PROSER2: variants seen among roughly 807,000 people sequenced by gnomAD.
PROSER2 encodes proline and serine rich 2.
In PROSER2, 18 loss-of-function variants were observed where a neutral mutation model predicts 14.6. The ratio of observed to expected loss-of-function variants is 1.23; its 90% CI spans 0.85 to 1.83. The LOEUF is 1.83. Ranked by LOEUF, PROSER2 falls within the 40% of genes most tolerant of loss-of-function variation. PROSER2 has a pLI of 0.00. For synonymous variants in PROSER2, 367 were observed against 286.4 expected (o/e 1.28, Z -2.84); for missense variants, 823 against 629.8 (o/e 1.31, Z -3.28).
At chr10:11,841,456 G>C (rs967688731) in intron 1 of PROSER2, among the ~76,000 whole-genome samples, 1 of 151,586 alleles carries the variant, frequency 6.6e-6, no homozygotes, top group Non-Finnish European at 1.5e-5. Context: ...TGTTGATTTT[G>C]TATTTATTCT....
rs530328631 is a variant in PROSER2, at chr10:11,869,225, A to T, written c.392-265A>T. 1 of 542,810 alleles carries T rather than the reference A, an allele frequency of 1.8e-6. No individual in the cohort carries two copies. Among genetic ancestry groups the T allele is most frequent in the East Asian group, 3.3e-5 (1 of 30,568 alleles). 33.6% of individuals were successfully genotyped at this position (542,810 alleles called of 1,614,324 possible). ...AGGGGCTGGAGCCTCAGCAGCCCAC[A>T]TGGACGGAATGTCTCCTAGGTGTGG... On this transcript the variant is annotated intron_variant, in intron 3 of 3. Coordinates refer to ENST00000277570, the MANE Select transcript of PROSER2 (RefSeq NM_153256.4). This position sits in a 1 kb window ranked among gnomAD's most constrained non-coding sequence, Gnocchi z 4.4.
intron 1 of PROSER2, among the ~76,000 whole-genome samples, chr10:11,829,132 C>T (rs923480759): frequency 6.6e-6 from 1 of 151,540 alleles, no homozygotes; most frequent in Non-Finnish European, 1.5e-5. Context: ...GTGGAGTAGA[C>T]GTTTACATAT....
Position 11,870,157 on chromosome 10 carries a change from G to T in PROSER2, c.1059G>T (p.Lys353Asn). ...TCCCAAGTGCGCACGAGGCCCTGAA[G>T]AGCGCACCCAGCTCCTTCGCGCCCG... ...NGFPSAHEAL[K>N]SAPSSFAPAG... Residue 353 changes from lysine to asparagine, a missense_variant, in exon 4 of 4, where the codon AAG becomes AAT. By Grantham distance (94) the Lys-to-Asn change is moderately conservative. Coordinates refer to ENST00000277570, the MANE Select transcript of PROSER2 (RefSeq NM_153256.4). The T allele has an allele frequency of 1.4e-6, 2 of 1,464,312 alleles. No homozygotes were observed. The highest frequency in any genetic ancestry group is 4.9e-5 in the Admixed American group (2 of 40,920). 90.7% of individuals were successfully genotyped at this position (1,464,312 alleles called of 1,614,324 possible).
At chr10:11,833,037 T>C (rs1220094969) in intron 1 of PROSER2, among the ~76,000 whole-genome samples, 3 of 151,742 alleles carry the variant, frequency 2.0e-5, no homozygotes, top group Non-Finnish European at 4.4e-5. Context: ...AGAGACAGCA[T>C]TTCACCTTGT....
chr10:11,836,227 C>CA lies in PROSER2; in HGVS notation c.-82+12758dup, dbSNP rs1444559097. On this transcript the variant is annotated intron_variant, in intron 1 of 3. Coordinates refer to ENST00000277570, the MANE Select transcript of PROSER2 (RefSeq NM_153256.4). This position sits in a 1 kb window ranked among gnomAD's most constrained non-coding sequence, Gnocchi z 4.6. ...TTTTTATTTTTTTGAGACAGAGTCTCACTCTGTTGGCCAGGCTGGTGTGCA... is the reference window on the plus strand; with the variant it reads ...TTTTTATTTTTTTGAGACAGAGTCTCAACTCTGTTGGCCAGGCTGGTGTGCA... 6.6e-6 allele frequency among the ~76,000 whole-genome samples: 1 copy of CA among 151,960 alleles called. No homozygotes were observed. Among genetic ancestry groups the CA allele is most frequent in the Non-Finnish European group, 1.5e-5 (1 of 67,982 alleles).
chr10:11,867,839 G>GT (rs1473184920), intron 3 of PROSER2, among the ~76,000 whole-genome samples: 1 of 152,150 alleles, frequency 6.6e-6, no homozygotes, highest in Non-Finnish European at 1.5e-5. Flanking sequence ...ATATCTTCCA[G>GT]TTTTTTTCCC....
chr10:11,864,657 TG>T (rs1834309946), intron 2 of PROSER2, among the ~76,000 whole-genome samples: 2 of 151,778 alleles, frequency 1.3e-5, no homozygotes, highest in South Asian at 4.2e-4. Flanking sequence ...GGTGCAGTCT[TG>T]GCTCACTGCA....
intron 2 of PROSER2, among the ~76,000 whole-genome samples, chr10:11,864,489 C>T (rs1416644577): frequency 6.6e-6 from 1 of 152,074 alleles, no homozygotes; most frequent in Non-Finnish European, 1.5e-5. Context: ...GTAGTTGCTA[C>T]ATAATGCTCC....
intron 3 of PROSER2, among the ~76,000 whole-genome samples, chr10:11,868,809 C>A (rs1438337651): frequency 6.6e-6 from 1 of 152,146 alleles, no homozygotes; most frequent in Non-Finnish European, 1.5e-5. Context: ...CGCCACCACG[C>A]CCAGCTAATT....
At chr10:11,848,264 G>C (rs1052826706) in intron 1 of PROSER2, among the ~76,000 whole-genome samples, 3 of 152,186 alleles carry the variant, frequency 2.0e-5, no homozygotes, top group African/African-American at 7.2e-5. Context: ...TGCCTCCTGG[G>C]TTCAAGCAAT....
Position 11,866,400 on chromosome 10 carries a change from G to A in PROSER2, c.139-131G>A, listed in dbSNP as rs1243198481. On this transcript the variant is annotated intron_variant, in intron 2 of 3. Transcript: ENST00000277570. This position sits in a 1 kb window ranked among gnomAD's most constrained non-coding sequence, Gnocchi z 6.0. Reference sequence around the variant, plus strand: ...GAGAGGCACACGCAGGCACTGTGTGGCAGGGTACTCTCGGGACACAGTGAG... The same window carrying A: ...GAGAGGCACACGCAGGCACTGTGTGACAGGGTACTCTCGGGACACAGTGAG... The A allele has an allele frequency of 5.7e-6, 6 of 1,051,526 alleles. No homozygotes were observed. The highest frequency in any genetic ancestry group is 7.0e-6 in the Non-Finnish European group (5 of 712,626). The allele number at this position is 1,051,526 out of a possible 1,614,324, so 65.1% of individuals were successfully genotyped here.
In PROSER2 at chr10:11,870,209, G is replaced by C; in HGVS notation, c.1111G>C (p.Gly371Arg). Residue 371 changes from glycine to arginine, a missense_variant, in exon 4 of 4, where the codon GGC becomes CGC. Transcript: ENST00000277570. ...TGGGAAGTCCCTCTGCTTCCGCCCT[G>C]GCCCGGCCCTGCCCAGCACGCGGGC... is the stretch of plus-strand genomic sequence containing the variant. ...PAGKSLCFRP[G>R]PALPSTRARQ... 1 of 1,491,012 alleles carries C rather than the reference G, an allele frequency of 6.7e-7. No homozygotes were observed. Among genetic ancestry groups the C allele is most frequent in the Non-Finnish European group, 8.9e-7 (1 of 1,127,630 alleles). 92.4% of individuals were successfully genotyped at this position (1,491,012 alleles called of 1,614,324 possible). A position where few individuals can be genotyped will look rare whatever the true frequency, so the allele number is the denominator to read the frequency against.
chr10:11,825,360 G>A (rs1833597012), intron 1 of PROSER2, among the ~76,000 whole-genome samples: 1 of 152,192 alleles, frequency 6.6e-6, no homozygotes, highest in Non-Finnish European at 1.5e-5. Context: ...CCCAGAACCT[G>A]AGCTCTTTCC....
At chr10:11,834,908 A>C (rs1480269428) in intron 1 of PROSER2, among the ~76,000 whole-genome samples, 1 of 152,014 alleles carries the variant, frequency 6.6e-6, no homozygotes, top group Non-Finnish European at 1.5e-5. Context: ...GGAGTTCGAA[A>C]CCAGCCTGGC....
At chr10:11,867,317 C>T (rs1044693608) in intron 3 of PROSER2, among the ~76,000 whole-genome samples, 1 of 140,952 alleles carries the variant, frequency 7.1e-6, no homozygotes, top group Non-Finnish European at 1.5e-5. Context: ...GCAGAGTTTA[C>T]ATTTTTTTAA....
At chr10:11,831,326 A>T (rs1482065312) in intron 1 of PROSER2, among the ~76,000 whole-genome samples, 1 of 152,216 alleles carries the variant, frequency 6.6e-6, no homozygotes, top group Non-Finnish European at 1.5e-5. Context: ...AGTGAAGCAC[A>T]TATTGGGTGC....
chr10:11,846,895 C>A (rs1005068146), intron 1 of PROSER2, among the ~76,000 whole-genome samples: 1 of 152,030 alleles, frequency 6.6e-6, no homozygotes, highest in African/African-American at 2.4e-5. Context: ...CGCACCACCA[C>A]GCCTGGCTGA....
rs537554652 is a variant in PROSER2, at chr10:11,856,530, G to C, written c.138+4315G>C. On this transcript the variant is annotated intron_variant, in intron 2 of 3. Transcript: ENST00000277570. The surrounding 1 kb of genome is among the most constrained non-coding windows in gnomAD (Gnocchi z 5.3). ...ATGGCTGCTTTTGTGAGGGTGGCTGGGGACATCCCAAGTCTACCTGTTATT... is the reference window on the plus strand; with the variant it reads ...ATGGCTGCTTTTGTGAGGGTGGCTGCGGACATCCCAAGTCTACCTGTTATT... 2.6e-5 allele frequency among the ~76,000 whole-genome samples: 4 copies of C among 152,350 alleles called. No individual in the cohort carries two copies. The highest frequency in any genetic ancestry group is 9.6e-5 in the African/African-American group (4 of 41,578).
rs1003437780 is a variant in PROSER2 at position 11,856,680 on chromosome 10, A to G, written c.138+4465A>G. Among the ~76,000 whole-genome samples the G allele has an allele frequency of 5.9e-5, 9 of 152,202 alleles. No homozygotes were observed. Among genetic ancestry groups the G allele is most frequent in the African/African-American group, 1.2e-4 (5 of 41,446 alleles). On this transcript the variant is annotated intron_variant, in intron 2 of 3. Transcript: ENST00000277570. This position sits in a 1 kb window ranked among gnomAD's most constrained non-coding sequence, Gnocchi z 5.3. ...ACGCCCACAAGTGCTGTGGCCCTGA[A>G]GTCACACAGCGGTCTGTGACCAGGC...
Sources: gnomAD v4.1 joint callset for allele counts (sites outside exome capture counted in the v4.1 genomes callset) on GRCh38, gnomAD v4.1.1 for gene constraint, Gnocchi (gnomAD v3.1) non-coding constraint, MANE v1.5 for transcripts, NCBI Gene and HGNC (gene_info 2026-07-23, HGNC 2026-07-21) for gene names.